Variants in DHX40 observed in about 807,000 individuals in gnomAD.
The protein encoded by DHX40 is DEAH-box helicase 40.
A neutral mutation model predicts 89.6 loss-of-function variants in DHX40; 28 were observed. The ratio of observed to expected loss-of-function variants is 0.31; its 90% CI spans 0.23 to 0.43. The LOEUF is 0.43. DHX40 is among the 20% of genes least tolerant of loss of function. The probability of loss-of-function intolerance (pLI) is 1.00; values close to 1 mark genes in which losing one functional copy is unlikely to be tolerated. For missense variants in DHX40, 457 were observed against 844.0 expected (o/e 0.54, Z 5.68); for synonymous variants, 226 against 283.6 (o/e 0.80, Z 2.04).
At chr17:59,589,378 C>T (rs1432917227) in intron 12 of DHX40, among the ~76,000 whole-genome samples, 7 of 151,590 alleles carry the variant, frequency 4.6e-5, no homozygotes, top group African/African-American at 1.2e-4. Context: ...CCCGCCACAA[C>T]GCCCGGCTAA....
intron 1 of DHX40, among the ~76,000 whole-genome samples, chr17:59,566,349 G>A (rs1375643049): frequency 6.6e-6 from 1 of 152,180 alleles, no homozygotes; most frequent in Non-Finnish European, 1.5e-5. Context: ...ATGTGTATAC[G>A]TTGCCTTGAG....
intron 12 of DHX40, among the ~76,000 whole-genome samples, chr17:59,596,338 G>A (rs2531943): frequency 2.0e-4 from 30 of 152,112 alleles, no homozygotes; most frequent in Admixed American, 5.2e-4. Context: ...AGGCCAGGGC[G>A]GGCGGATCAC....
At chr17:59,597,793 G>T (rs551201735) in intron 12 of DHX40, among the ~76,000 whole-genome samples, 1,590 of 151,432 alleles carry the variant, frequency 0.01, 24 homozygotes, top group African/African-American at 0.035. Context: ...AAATTAGCCG[G>T]GCGCGGTGGC....
intron 7 of DHX40, chr17:59,577,018 C>T (rs531282380): frequency 2.5e-5 from 11 of 439,724 alleles, no homozygotes; most frequent in East Asian, 1.5e-4. Flanking sequence ...TACAGGGGCG[C>T]GCCCCCACGC....
intron 14 of DHX40, 110 bp from the exon 15 acceptor site, chr17:59,602,412 A>G: frequency 2.1e-6 from 2 of 965,302 alleles, no homozygotes; most frequent in Non-Finnish European, 3.0e-6. Context: ...GTCTCTCTTA[A>G]TCTATGTTGG....
intron 2 of DHX40, among the ~76,000 whole-genome samples, chr17:59,568,846 A>C (rs1318234575): frequency 4.0e-5 from 6 of 149,598 alleles, no homozygotes; most frequent in South Asian, 4.2e-4. Context: ...GCATATATAT[A>C]TATATATAAA....
chr17:59,605,025 T>C, intron 15 of DHX40, 90 bp from the exon 16 acceptor site: 1 of 1,057,516 alleles, frequency 9.5e-7, no homozygotes, highest in Non-Finnish European at 1.5e-6. Context: ...TAGTAGAACA[T>C]ATTGTAATTG....
Position 59,570,677 on chromosome 17 carries a change from G to A in DHX40, c.426+14G>A. Reference sequence around the variant, plus strand: ...TGCAGTTCTAAGGTACAAAAGTCTTGTTGGTATTTGTTTCTTTTCTTTTAT... The same window carrying A: ...TGCAGTTCTAAGGTACAAAAGTCTTATTGGTATTTGTTTCTTTTCTTTTAT... On this transcript the variant is annotated intron_variant, in intron 3 of 17. Coordinates refer to ENST00000251241, the MANE Select transcript of DHX40 (RefSeq NM_024612.5). 1.3e-6 allele frequency: 2 copies of A among 1,597,410 alleles called. No individual in the cohort carries two copies. The highest frequency in any genetic ancestry group is 1.7e-6 in the Non-Finnish European group (2 of 1,171,744).
intron 15 of DHX40, 105 bp from the exon 16 acceptor site, chr17:59,605,010 G>A: frequency 1.1e-6 from 1 of 917,718 alleles, no homozygotes; most frequent in South Asian, 1.4e-5. Context: ...TTATAATGCT[G>A]TTTGTAGTAG....
rs1567908211 is a variant in DHX40 at position 59,607,877 on chromosome 17, G to T, written c.*705G>T. On this transcript the variant is annotated 3_prime_UTR_variant, in exon 18 of 18. Transcript: ENST00000251241. ...TATAGCCATTAACCAAAGGACAGATGATATATATATATATGATATATATAT... is the reference window on the plus strand; with the variant it reads ...TATAGCCATTAACCAAAGGACAGATTATATATATATATATGATATATATAT... 1 of 148,348 alleles carries T rather than the reference G, an allele frequency of 6.7e-6. No individual in the cohort carries two copies. The highest frequency in any genetic ancestry group is 1.9e-4 in the East Asian group (1 of 5,130). The allele number at this position is 148,348 out of a possible 1,614,324, so 9.2% of individuals were successfully genotyped here.
intron 17 of DHX40, among the ~76,000 whole-genome samples, chr17:59,606,286 G>A (rs2030846412): frequency 6.6e-6 from 1 of 152,126 alleles, no homozygotes; most frequent in South Asian, 2.1e-4. Context: ...TTGTGGTACT[G>A]AAATAGGACA....
chr17:59,601,885 A>G (rs2030549312), intron 14 of DHX40, among the ~76,000 whole-genome samples: 1 of 152,226 alleles, frequency 6.6e-6, no homozygotes, highest in African/African-American at 2.4e-5. Context: ...GGCAAGGCCC[A>G]TCTGAGTACT....
rs538405409 is a variant in DHX40, at chr17:59,596,722, A to T, written c.1583-2015A>T. Among the ~76,000 whole-genome samples the T allele has an allele frequency of 5.1e-3, 777 of 152,294 alleles. 3 individuals are homozygous for T. The highest frequency in any genetic ancestry group is 6.2e-3 in the Non-Finnish European group (419 of 68,028). ...TTATTTTTTTGTCTCTAGCTGCTTC[A>T]TTCAGTTGCTACCTAGGTAACATAG... On this transcript the variant is annotated intron_variant, in intron 12 of 17. Transcript: ENST00000251241.
intron 7 of DHX40, chr17:59,576,934 A>G: frequency 3.4e-6 from 1 of 298,482 alleles, no homozygotes; most frequent in South Asian, 2.9e-5. Flanking sequence ...CAGTGGCGCG[A>G]TCTTGGCTCA....
intron 2 of DHX40, among the ~76,000 whole-genome samples, chr17:59,569,986 G>A (rs2048769935): frequency 7.0e-6 from 1 of 142,846 alleles, no homozygotes; most frequent in Non-Finnish European, 1.5e-5. Flanking sequence ...AGAGGTTGCG[G>A]TGAGCCGAGA....
chr17:59,565,656 A>G lies in DHX40; in HGVS notation c.-16A>G, dbSNP rs754093724. On this transcript the variant is annotated 5_prime_UTR_variant, in exon 1 of 18. Transcript: ENST00000251241. ...CAGATCGGTGGACGTGCTCGCCTCC[A>G]CTCGGGGCCAGGTCTATGTCCCGGT... The G allele has an allele frequency of 3.8e-6, 6 of 1,594,568 alleles. No homozygotes were observed. The highest frequency in any genetic ancestry group is 4.3e-6 in the Non-Finnish European group (5 of 1,176,444).
chr17:59,588,759 G>A (rs933378293), intron 12 of DHX40, among the ~76,000 whole-genome samples: 1 of 152,180 alleles, frequency 6.6e-6, no homozygotes, highest in South Asian at 2.1e-4. Context: ...GACTTTTGCA[G>A]AGCGGAAGTT....
intron 12 of DHX40, among the ~76,000 whole-genome samples, chr17:59,588,591 CAA>C (rs1184598125): frequency 6.6e-6 from 1 of 152,122 alleles, no homozygotes; most frequent in East Asian, 1.9e-4. Flanking sequence ...CTTGGCCTCC[CAA>C]AGTGCTGGGA....
chr17:59,597,887 A>G (rs1472840635), intron 12 of DHX40, among the ~76,000 whole-genome samples: 1 of 148,272 alleles, frequency 6.7e-6, no homozygotes. Flanking sequence ...GTGAGCCGAG[A>G]TCGCGCCACT....
Sources: gnomAD v4.1 joint callset for allele counts (sites outside exome capture counted in the v4.1 genomes callset) on GRCh38, gnomAD v4.1.1 for gene constraint, MANE v1.5 for transcripts, NCBI Gene and HGNC (gene_info 2026-07-23, HGNC 2026-07-21) for gene names.